The following CELSR2 variants were observed in gnomAD, a reference collection of about 807,000 sequenced individuals.
The protein encoded by CELSR2 is EGF-like protein 2.
CELSR2 carries 81 observed loss-of-function variants against 251.6 expected under a neutral mutation model. The observed-to-expected ratio is 0.32, with a 90% CI of 0.27 to 0.39. CELSR2 has a LOEUF of 0.39. CELSR2 is among the 10% of genes least tolerant of loss of function. The pLI is 1.00. For synonymous variants in CELSR2, 1,721 were observed against 1,670.5 expected (o/e 1.03, Z -0.74); for missense variants, 3,365 against 3,947.7 (o/e 0.85, Z 3.96).
intron 29 of CELSR2, 70 bp downstream of exon 29, chr1:109,272,475 G>C: frequency 6.4e-7 from 1 of 1,559,136 alleles, no homozygotes; most frequent in Non-Finnish European, 8.7e-7. Flanking sequence ...AGGCCAGCCA[G>C]CTGTTGGGAG....
In CELSR2 at chr1:109,265,800, C is replaced by T. The variant is rs980628872; in HGVS notation, c.5793C>T (p.Ser1931=). The stretch of plus-strand genomic sequence containing the variant: ...TGTGTGACTGCTACCCCACAGGCTC[C>T]TTGTCCAGAGTCTGTGACCCTGAGG... The part of the protein sequence containing the change: ...CLLCDCYPTG[S]LSRVCDPEDG... The change falls in exon 14 of 34, where the codon TCC becomes TCT. Residue 1931 remains serine, a synonymous_variant. Coordinates refer to ENST00000271332, the MANE Select transcript of CELSR2 (RefSeq NM_001408.3). The T allele has an allele frequency of 1.9e-6, 3 of 1,613,992 alleles. No homozygotes were observed. Among genetic ancestry groups the T allele is most frequent in the East Asian group, 4.5e-5 (2 of 44,900 alleles).
In CELSR2 at chr1:109,273,580, G is replaced by A. The variant is rs368999121; in HGVS notation, c.8654G>A (p.Arg2885Gln). Residue 2885 changes from arginine to glutamine, a missense_variant, in exon 33 of 34, where the codon CGG becomes CAG. Arg to Gln is a conservative substitution (Grantham distance 43). Coordinates refer to ENST00000271332, the MANE Select transcript of CELSR2 (RefSeq NM_001408.3). ...RGGPPPRPPP[R>Q]QSLQEQLNGV... ...GGCCCCCCTCCCCGCCCACCGCCCC[G>A]GCAGAGCCTCCAGGAGCAGCTGAAC... 1.7e-5 allele frequency: 27 copies of A among 1,560,876 alleles called. No homozygotes were observed. The East Asian group carries it at 1.9e-4, about 11-fold the overall frequency.
At position 109,265,776 on chromosome 1, in the gene CELSR2, G is replaced by C. The variant is rs1346214580; in HGVS notation, c.5769G>C (p.Leu1923Phe). 2 of 1,613,862 alleles carry C rather than the reference G, an allele frequency of 1.2e-6. No homozygotes were observed. Among genetic ancestry groups the C allele is most frequent in the East Asian group, 4.5e-5 (2 of 44,878 alleles). ...YRPPGSPTCL[L>F]CDCYPTGSLS... ...CCCCAGGCAGCCCCACCTGCCTCTTGTGTGACTGCTACCCCACAGGCTCCT... is the reference window on the plus strand; with the variant it reads ...CCCCAGGCAGCCCCACCTGCCTCTTCTGTGACTGCTACCCCACAGGCTCCT... The change falls in exon 14 of 34, where the codon TTG becomes TTC. Residue 1923 changes from leucine (L) to phenylalanine (F), a missense_variant. Physicochemically the swap from Leu to Phe is conservative, Grantham distance 22 (BLOSUM62 0). This residue lies in a region of CELSR2 where 2,093 missense variants were observed against 2,382.8 expected (regional missense o/e 0.88). Transcript: ENST00000271332.
At position 109,263,279 on chromosome 1, in the gene CELSR2, G is replaced by A. The variant is rs1240715233; in HGVS notation, c.4834+12G>A. On this transcript the variant is annotated intron_variant, in intron 8 of 33. Coordinates refer to ENST00000271332, the MANE Select transcript of CELSR2 (RefSeq NM_001408.3). ...GAGCTGCGCCCAGGGTAGGAGGGGC[G>A]GCTGTTAGAGGCCACAGCCTGGGTG... 1.3e-5 allele frequency: 20 copies of A among 1,562,928 alleles called. No individual in the cohort carries two copies. Among genetic ancestry groups the A allele is most frequent in the Admixed American group, 1.8e-5 (1 of 55,760 alleles).
In CELSR2 at chr1:109,250,451, C is replaced by T; in HGVS notation, c.372C>T (p.Ser124=). 1.2e-6 allele frequency: 2 copies of T among 1,613,718 alleles called. No homozygotes were observed. Among genetic ancestry groups the T allele is most frequent in the South Asian group, 2.2e-5 (2 of 91,084 alleles). Residue 124 remains serine (S), a synonymous_variant, in exon 1 of 34, where the codon TCC becomes TCT. Coordinates refer to ENST00000271332, the MANE Select transcript of CELSR2 (RefSeq NM_001408.3). The surrounding 1 kb of genome is among the most constrained non-coding windows in gnomAD (Gnocchi z 4.4). Reference sequence around the variant, plus strand: ...TCCTGGGCATTGGAGGCCACCTTTCCCCACAGGGCAAGCTCACACTGCCCG... The same window carrying T: ...TCCTGGGCATTGGAGGCCACCTTTCTCCACAGGGCAAGCTCACACTGCCCG... The part of the protein sequence containing the change: ...CRLLGIGGHL[S]PQGKLTLPEE...
chr1:109,252,144 G>A lies in CELSR2; in HGVS notation c.2065G>A (p.Asp689Asn), dbSNP rs1655711900. 2.5e-6 allele frequency: 4 copies of A among 1,613,976 alleles called. No individual in the cohort carries two copies. The highest frequency in any genetic ancestry group is 3.4e-6 in the Non-Finnish European group (4 of 1,180,032). Residue 689 changes from aspartate to asparagine, a missense_variant, in exon 1 of 34, where the codon GAT becomes AAT. By Grantham distance (23) the Asp-to-Asn change is conservative. Transcript: ENST00000271332. The surrounding 1 kb of genome is among the most constrained non-coding windows in gnomAD (Gnocchi z 4.8). ...RQYVLAVTAS[D>N]GTRQDTAQIV... ...GTATGTGTTGGCTGTTACCGCCTCCGATGGCACTCGGCAGGACACGGCACA... is the reference window on the plus strand; with the variant it reads ...GTATGTGTTGGCTGTTACCGCCTCCAATGGCACTCGGCAGGACACGGCACA...
intron 28 of CELSR2, 133 bp from the exon 29 acceptor site, chr1:109,272,145 A>T: frequency 8.3e-7 from 1 of 1,204,186 alleles, no homozygotes; most frequent in African/African-American, 1.5e-5. Flanking sequence ...ACAGCGGAGA[A>T]GCAGGGCCCT....
chr1:109,260,712 G>A (rs1433262871), intron 2 of CELSR2, among the ~76,000 whole-genome samples: 1 of 152,168 alleles, frequency 6.6e-6, no homozygotes, highest in Non-Finnish European at 1.5e-5. Context: ...CGGGATCCGG[G>A]CCTTACAACC....
At position 109,262,323 on chromosome 1, in the gene CELSR2, T is replaced by A; in HGVS notation, c.4423T>A (p.Ser1475Thr). 1 of 1,614,154 alleles carries A rather than the reference T, an allele frequency of 6.2e-7. No homozygotes were observed. The highest frequency in any genetic ancestry group is 8.5e-7 in the Non-Finnish European group (1 of 1,180,038). The stretch of plus-strand genomic sequence containing the variant: ...TCAGACAGGGCTCCCACAGGGCCCA[T>A]CAGAGCAGAAGGTGGCTGTGGTGAC... Reference protein sequence around the residue: ...LGQTGLPQGPSEQKVAVVTVD... With the variant: ...LGQTGLPQGPTEQKVAVVTVD... The change falls in exon 6 of 34, where the codon TCA becomes ACA. Residue 1475 changes from serine to threonine, a missense_variant. By Grantham distance (58) the Ser-to-Thr change is moderately conservative. This residue lies in a region of CELSR2 where 2,093 missense variants were observed against 2,382.8 expected (regional missense o/e 0.88). Coordinates refer to ENST00000271332, the MANE Select transcript of CELSR2 (RefSeq NM_001408.3).
chr1:109,264,212 C>A lies in CELSR2; in HGVS notation c.5136C>A (p.Pro1712=), dbSNP rs6698843. The change falls in exon 10 of 34, where the codon CCC becomes CCA. Residue 1712 remains proline, a synonymous_variant. Transcript: ENST00000271332. Reference sequence around the variant, plus strand: ...TGGCACTGGGAGCCAGCGGGGGGCCCGGCCATGCCATTCTGTCCTTCGATT... The same window carrying A: ...TGGCACTGGGAGCCAGCGGGGGGCCAGGCCATGCCATTCTGTCCTTCGATT... The part of the protein sequence containing the change: ...AQLALGASGG[P]GHAILSFDYG... The A allele has an allele frequency of 1.9e-6, 3 of 1,613,160 alleles. No individual in the cohort carries two copies. Among genetic ancestry groups the A allele is most frequent in the Non-Finnish European group, 2.5e-6 (3 of 1,179,782 alleles).
chr1:109,262,295 G>T lies in CELSR2; in HGVS notation c.4395G>T (p.Leu1465Phe), dbSNP rs113925756. 1.4e-4 allele frequency: 234 copies of T among 1,613,922 alleles called. 1 individual carries two copies. The African/African-American group carries it at 2.7e-3, about 19-fold the overall frequency. ...VQLKYYNKPL[L>F]GQTGLPQGPS... The stretch of plus-strand genomic sequence containing the variant: ...CTCTTTCCTGTCCACAGCCACTGTT[G>T]GGTCAGACAGGGCTCCCACAGGGCC... Residue 1465 changes from leucine to phenylalanine, a missense_variant, in exon 6 of 34, where the codon TTG (leucine) becomes TTT (phenylalanine). Physicochemically the swap from Leu to Phe is conservative, Grantham distance 22 (BLOSUM62 0). Around this residue, in one of 5 missense-constraint regions of CELSR2, gnomAD observed 2,093 missense variants for 2,382.8 expected, o/e 0.88. Coordinates refer to ENST00000271332, the MANE Select transcript of CELSR2 (RefSeq NM_001408.3).
In CELSR2 at chr1:109,252,408, G is replaced by A; in HGVS notation, c.2329G>A (p.Asp777Asn). 1 of 1,613,294 alleles carries A rather than the reference G, an allele frequency of 6.2e-7. No homozygotes were observed. Among genetic ancestry groups the A allele is most frequent in the African/African-American group, 1.3e-5 (1 of 75,050 alleles). ...VTTQAELDYE[D>N]QVSYTLAITA... ...CACCCAGGCTGAGCTGGACTATGAAGACCAAGTGTCTTACACCCTGGCCAT... is the reference window on the plus strand; with the variant it reads ...CACCCAGGCTGAGCTGGACTATGAAAACCAAGTGTCTTACACCCTGGCCAT... The change falls in exon 1 of 34, where the codon GAC becomes AAC. Residue 777 changes from aspartate to asparagine, a missense_variant. Asp to Asn is a conservative substitution (Grantham distance 23, BLOSUM62 1). Transcript: ENST00000271332. The surrounding 1 kb of genome is among the most constrained non-coding windows in gnomAD (Gnocchi z 4.8).
At position 109,251,486 on chromosome 1, in the gene CELSR2, G is replaced by A. The variant is rs971668527; in HGVS notation, c.1407G>A (p.Glu469=). The change falls in exon 1 of 34, where the codon GAG becomes GAA. Residue 469 remains glutamate, a synonymous_variant. Transcript: ENST00000271332. The surrounding 1 kb of genome is among the most constrained non-coding windows in gnomAD (Gnocchi z 4.9). ...VSPLDYETTK[E]YTLRVRAQDG... ...CTCTTGACTATGAGACGACCAAGGA[G>A]TACACCCTACGGGTGCGAGCACAGG... 3.7e-6 allele frequency: 6 copies of A among 1,613,658 alleles called. No individual in the cohort carries two copies. The African/African-American group carries it at 8.0e-5, about 22-fold the overall frequency.
intron 1 of CELSR2, 30 bp downstream of exon 1, chr1:109,253,419 G>A (rs768421323): frequency 1.3e-6 from 2 of 1,598,244 alleles, no homozygotes; most frequent in Non-Finnish European, 1.7e-6. Context: ...GCGCTGGGGT[G>A]GGGGTAGCTC....
chr1:109,264,226 T>G lies in CELSR2; in HGVS notation c.5150T>G (p.Leu1717Arg). 6.2e-7 allele frequency: 1 copy of G among 1,613,918 alleles called. No individual in the cohort carries two copies. The highest frequency in any genetic ancestry group is 8.5e-7 in the Non-Finnish European group (1 of 1,180,018). ...GASGGPGHAILSFDYGQQRAE... is the reference protein window; with the variant it reads ...GASGGPGHAIRSFDYGQQRAE... ...AGCGGGGGGCCCGGCCATGCCATTCTGTCCTTCGATTATGGGCAGCAGAGA... is the reference window on the plus strand; with the variant it reads ...AGCGGGGGGCCCGGCCATGCCATTCGGTCCTTCGATTATGGGCAGCAGAGA... Residue 1717 changes from leucine (L) to arginine (R), a missense_variant, in exon 10 of 34, where the codon CTG (leucine) becomes CGG (arginine). By Grantham distance (102) the Leu-to-Arg change is moderately radical. Coordinates refer to ENST00000271332, the MANE Select transcript of CELSR2 (RefSeq NM_001408.3).
chr1:109,260,128 G>T (rs1440431091), intron 2 of CELSR2, among the ~76,000 whole-genome samples: 1 of 148,996 alleles, frequency 6.7e-6, no homozygotes, highest in Non-Finnish European at 1.5e-5. Context: ...GGGGAGGGAC[G>T]GGCTTGGGGG....
At chr1:109,264,657 G>A in intron 11 of CELSR2, 29 bp downstream of exon 11, 1 of 1,601,212 alleles carries the variant, frequency 6.2e-7, no homozygotes, top group South Asian at 1.1e-5. Flanking sequence ...GCAACGGGCA[G>A]GTTATCAGGT....
Position 109,263,814 on chromosome 1 carries a change from A to G in CELSR2, c.5001+37A>G, listed in dbSNP as rs776168392. The G allele has an allele frequency of 3.1e-6, 5 of 1,602,840 alleles. No homozygotes were observed. In the South Asian group the frequency reaches 3.3e-5, roughly 11 times the overall value. ...AAGGGCGGCTGGCCCTGGCCTGGCCATAGGGCCCTGGTAGCCTCTAGGCGG... is the reference window on the plus strand; with the variant it reads ...AAGGGCGGCTGGCCCTGGCCTGGCCGTAGGGCCCTGGTAGCCTCTAGGCGG... On this transcript the variant is annotated intron_variant, in intron 9 of 33. Transcript: ENST00000271332.
In CELSR2 at chr1:109,272,310, G is replaced by A; in HGVS notation, c.7959G>A (p.Gly2653=). 1 of 1,608,812 alleles carries A rather than the reference G, an allele frequency of 6.2e-7. No individual in the cohort carries two copies. The highest frequency in any genetic ancestry group is 8.5e-7 in the Non-Finnish European group (1 of 1,176,148). The part of the protein sequence containing the change: ...SYNCPSPYAD[G]RLYQPYGDSA... The stretch of plus-strand genomic sequence containing the variant: ...ACTGCCCCAGCCCCTACGCAGATGG[G>A]CGGCTGTACCAGCCCTACGGAGACT... Residue 2653 remains glycine, a synonymous_variant, in exon 29 of 34, where the codon GGG becomes GGA. Transcript: ENST00000271332.
Sources: allele counts gnomAD v4.1 joint callset (sites outside exome capture counted in the v4.1 genomes callset), GRCh38; gene constraint gnomAD v4.1.1; regional missense constraint gnomAD v4.1.1; non-coding constraint Gnocchi (gnomAD v3.1); transcripts MANE v1.5; gene names NCBI Gene and HGNC (gene_info 2026-07-23, HGNC 2026-07-21).